DIDO1: variants seen among roughly 807,000 people sequenced by gnomAD.
DIDO1 encodes death inducer-obliterator 1.
In DIDO1, 16 loss-of-function variants were observed where a neutral mutation model predicts 99.4. That is an observed-to-expected ratio of 0.16 (90% CI 0.11 to 0.24). DIDO1 has a LOEUF of 0.24. Ranked by LOEUF, DIDO1 falls within the 10% of genes least tolerant of loss-of-function variation. The pLI, the probability that DIDO1 is intolerant of heterozygous loss-of-function variation, is 1.00. For synonymous variants in DIDO1, 1,366 were observed against 1,239.1 expected (o/e 1.10, Z -2.15); for missense variants, 2,996 against 3,014.0 (o/e 0.99, Z 0.14).
Position 62,878,792 on chromosome 20 carries a change from C to A in DIDO1, c.*441G>T, listed in dbSNP as rs1297359926. On this transcript the variant is annotated 3_prime_UTR_variant, in exon 16 of 16. Transcript: ENST00000395343. ...AGATACAAGCTACTAAGACTTCTCC[C>A]GTAGCCGCAGGGTGGACGCCTGCAG... 1 of 156,238 alleles carries A rather than the reference C, an allele frequency of 6.4e-6. No individual in the cohort carries two copies. Among genetic ancestry groups the A allele is most frequent in the East Asian group, 1.9e-4 (1 of 5,338 alleles). 9.7% of individuals were successfully genotyped at this position (156,238 alleles called of 1,614,324 possible).
Position 62,881,214 on chromosome 20 carries a change from A to T in DIDO1, c.4742T>A (p.Leu1581His). ...GGCACCCTGGGCACCACGTGCCGAG[A>T]GCCTGGAGAGAGGCTCCCCCTCCCC... ...GEGEGEPLSR[L>H]SARGAQGALP... The change falls in exon 16 of 16, where the codon CTC (leucine) becomes CAC (histidine). Residue 1581 changes from leucine (L) to histidine (H), a missense_variant. Around this residue, in one of 5 missense-constraint regions of DIDO1, gnomAD observed 1,562 missense variants for 1,412.6 expected, o/e 1.11. Coordinates refer to ENST00000395343, the MANE Select transcript of DIDO1 (RefSeq NM_001193369.2). The surrounding 1 kb of genome is among the most constrained non-coding windows in gnomAD (Gnocchi z 8.3). 1 of 1,605,164 alleles carries T rather than the reference A, an allele frequency of 6.2e-7. No individual in the cohort carries two copies. The highest frequency in any genetic ancestry group is 2.2e-5 in the East Asian group (1 of 44,806).
chr20:62,894,274 C>A lies in DIDO1; in HGVS notation c.2573-80G>T. On this transcript the variant is annotated intron_variant, in intron 11 of 15. Transcript: ENST00000395343. The surrounding 1 kb of genome is among the most constrained non-coding windows in gnomAD (Gnocchi z 4.4). ...CTCACACAAAGCCGAAAGCAATACT[C>A]TAAAGGCAGGGCAGGAAATCATTCT... 1 of 1,577,182 alleles carries A rather than the reference C, an allele frequency of 6.3e-7. No individual in the cohort carries two copies.
intron 15 of DIDO1, among the ~76,000 whole-genome samples, chr20:62,884,403 G>GT (rs745354819): frequency 6.6e-6 from 1 of 152,156 alleles, no homozygotes; most frequent in Non-Finnish European, 1.5e-5. Flanking sequence ...CGGCAGCGAC[G>GT]TAACACTATG....
rs918404466 is a variant in DIDO1, at chr20:62,896,471, CCA to C, written c.2054+58_2054+59del. ...TTTGAACAGTGAGGCAATCCTGCAG[CCA>C]CACTCTAATGAAAGCCCTTCCATTT... On this transcript the variant is annotated intron_variant, in intron 7 of 15. Coordinates refer to ENST00000395343, the MANE Select transcript of DIDO1 (RefSeq NM_001193369.2). This position sits in a 1 kb window ranked among gnomAD's most constrained non-coding sequence, Gnocchi z 4.4. 5.0e-6 allele frequency: 8 copies of C among 1,587,388 alleles called. No homozygotes were observed. The African/African-American group carries it at 5.5e-5, about 11-fold the overall frequency.
chr20:62,879,883 G>T lies in DIDO1; in HGVS notation c.6073C>A (p.Pro2025Thr), dbSNP rs1267943294. ...GGGTGGCTGGGAAGCTCCAGCAGGG[G>T]CCTGGGGCCCGGCTTCATCACCTGC... ...APQVMKPGPR[P>T]LLELPSHPPQ... The change falls in exon 16 of 16, where the codon CCC (proline) becomes ACC (threonine). Residue 2025 changes from proline (P) to threonine (T), a missense_variant. Coordinates refer to ENST00000395343, the MANE Select transcript of DIDO1 (RefSeq NM_001193369.2). The surrounding 1 kb of genome is among the most constrained non-coding windows in gnomAD (Gnocchi z 6.3). 4 of 1,589,066 alleles carry T rather than the reference G, an allele frequency of 2.5e-6. No homozygotes were observed. The highest frequency in any genetic ancestry group is 1.7e-4 in the Middle Eastern group (1 of 5,906).
rs139282301 is a variant in DIDO1, at chr20:62,901,184, AGAG to A, written c.1589-4191_1589-4189del. ...GCAGACTACATCGCAGACGCTCCTCAGAGGAGACCATCACTACAGCCAGGACGC... is the reference window on the plus strand; with the variant it reads ...GCAGACTACATCGCAGACGCTCCTCAGAGACCATCACTACAGCCAGGACGC... On this transcript the variant is annotated intron_variant, in intron 6 of 15. Transcript: ENST00000395343. Among the ~76,000 whole-genome samples the A allele has an allele frequency of 9.0e-3, 1,376 of 152,356 alleles. 16 individuals are homozygous for A. The highest frequency in any genetic ancestry group is 0.031 in the African/African-American group (1,308 of 41,574).
rs1339860902 is a variant in DIDO1, at chr20:62,917,032, A to AT, written c.-199-2627dup. Among the ~76,000 whole-genome samples the AT allele has an allele frequency of 2.6e-5, 4 of 151,738 alleles. No individual in the cohort carries two copies. In the South Asian group the frequency reaches 6.3e-4, roughly 24 times the overall value. On this transcript the variant is annotated intron_variant, in intron 1 of 15. Coordinates refer to ENST00000395343, the MANE Select transcript of DIDO1 (RefSeq NM_001193369.2). ...TCTCATCGGATAGCATAAAACAAAC[A>AT]TTTTTTTTCCTGTTGCCCAGGATGG...
At chr20:62,906,123 A>C in intron 5 of DIDO1, 23 bp from the exon 6 acceptor site, 1 of 1,592,940 alleles carries the variant, frequency 6.3e-7, no homozygotes, top group South Asian at 1.1e-5. Flanking sequence ...TAAAACCCCA[A>C]ATCATTAAAA....
intron 1 of DIDO1, among the ~76,000 whole-genome samples, chr20:62,934,225 G>A (rs1475284339): frequency 1.3e-5 from 2 of 152,076 alleles, no homozygotes; most frequent in African/African-American, 4.8e-5. Flanking sequence ...GTGGCTTCAG[G>A]GCTCTGGCCC....
chr20:62,912,467 C>T (rs1011636693), intron 2 of DIDO1, among the ~76,000 whole-genome samples: 2 of 151,610 alleles, frequency 1.3e-5, no homozygotes, highest in Admixed American at 6.6e-5. Flanking sequence ...TGCTCTGTCC[C>T]CAGGCTGGAG....
chr20:62,919,641 A>C (rs1367461266), intron 1 of DIDO1, among the ~76,000 whole-genome samples: 2 of 152,224 alleles, frequency 1.3e-5, no homozygotes, highest in Non-Finnish European at 2.9e-5. Context: ...GTTGTTTTAC[A>C]TTTCTTGGGT....
chr20:62,920,720 C>T (rs563963491), intron 1 of DIDO1, among the ~76,000 whole-genome samples: 3 of 152,266 alleles, frequency 2.0e-5, no homozygotes, highest in Admixed American at 2.0e-4. Flanking sequence ...TGAGTATATG[C>T]TAGAGCATTT....
chr20:62,879,216 C>T lies in DIDO1; in HGVS notation c.*17G>A. On this transcript the variant is annotated 3_prime_UTR_variant, in exon 16 of 16. Transcript: ENST00000395343. This position sits in a 1 kb window ranked among gnomAD's most constrained non-coding sequence, Gnocchi z 6.3. ...ACGAACGTGGCTTTAAAAAGGGTCT[C>T]TGCCCGGCCGGGGCGTCTAGGCCTG... 6.8e-7 allele frequency: 1 copy of T among 1,474,564 alleles called. No homozygotes were observed. Among genetic ancestry groups the T allele is most frequent in the Non-Finnish European group, 8.9e-7 (1 of 1,118,450 alleles). The allele number at this position is 1,474,564 out of a possible 1,614,324, so 91.3% of individuals were successfully genotyped here.
At position 62,911,420 on chromosome 20, in the gene DIDO1, C is replaced by T. The variant is rs761352944; in HGVS notation, c.193G>A (p.Gly65Arg). The change falls in exon 3 of 16, where the codon GGG becomes AGG. Residue 65 changes from glycine (G) to arginine (R), a missense_variant. Gly to Arg is a moderately radical substitution (Grantham distance 125). Around this residue, in one of 5 missense-constraint regions of DIDO1, gnomAD observed 388 missense variants for 376.6 expected, o/e 1.03. Coordinates refer to ENST00000395343, the MANE Select transcript of DIDO1 (RefSeq NM_001193369.2). The surrounding 1 kb of genome is among the most constrained non-coding windows in gnomAD (Gnocchi z 7.0). ...CGCTCAGTGCGCTTGGGCTGCCTCC[C>T]ACTGCGCCGCAGGGACAGGCCCAGC... is the stretch of plus-strand genomic sequence containing the variant. Reference protein sequence around the residue: ...QQLGLSLRRSGRQPKRTERVE... With the variant: ...QQLGLSLRRSRRQPKRTERVE... 5 of 1,611,070 alleles carry T rather than the reference C, an allele frequency of 3.1e-6. No individual in the cohort carries two copies. In the Admixed American group the frequency reaches 5.0e-5, roughly 16 times the overall value.
chr20:62,914,464 A>G (rs1238341081), intron 1 of DIDO1, 58 bp from the exon 2 acceptor site: 1 of 152,254 alleles, frequency 6.6e-6, no homozygotes, highest in African/African-American at 2.4e-5. Flanking sequence ...ATCGACAACA[A>G]TTAAAAGGGA....
At chr20:62,921,958 C>T (rs745655868) in intron 1 of DIDO1, among the ~76,000 whole-genome samples, 78 of 149,686 alleles carry the variant, frequency 5.2e-4, no homozygotes, top group South Asian at 2.5e-3. Context: ...TATATGTCCA[C>T]AATATATATA....
At chr20:62,925,071 G>A (rs1187712300) in intron 1 of DIDO1, among the ~76,000 whole-genome samples, 1 of 152,142 alleles carries the variant, frequency 6.6e-6, no homozygotes, top group Non-Finnish European at 1.5e-5. Context: ...AGATGTCTAT[G>A]CCGTATTTAA....
intron 6 of DIDO1, among the ~76,000 whole-genome samples, chr20:62,902,261 A>C (rs962864883): frequency 6.6e-6 from 1 of 152,232 alleles, no homozygotes; most frequent in African/African-American, 2.4e-5. Flanking sequence ...TATAAAAAGT[A>C]AAACACTTAA....
rs536585235 is a variant in DIDO1, at chr20:62,885,593, C to G, written c.3542-3179G>C. Among the ~76,000 whole-genome samples, 74 of 152,302 alleles carry G rather than the reference C, an allele frequency of 4.9e-4. No individual in the cohort carries two copies. The East Asian group carries it at 6.0e-3, about 12-fold the overall frequency. ...GTAAATGCTCCCAGCTCTTGGTGCT[C>G]TCAACTGCAAACACTGGTGACTGAA... On this transcript the variant is annotated intron_variant, in intron 15 of 15. Transcript: ENST00000395343.
Sources: allele counts gnomAD v4.1 joint callset (sites outside exome capture counted in the v4.1 genomes callset), GRCh38; gene constraint gnomAD v4.1.1; regional missense constraint gnomAD v4.1.1; non-coding constraint Gnocchi (gnomAD v3.1); transcripts MANE v1.5; gene names NCBI Gene and HGNC (gene_info 2026-07-23, HGNC 2026-07-21).